SPIDR: variants seen among roughly 807,000 people sequenced by gnomAD.
SPIDR encodes DNA repair-scaffolding protein.
SPIDR carries 93 observed loss-of-function variants against 104.6 expected under a neutral mutation model. The observed-to-expected ratio is 0.89, with a 90% CI of 0.75 to 1.06. The LOEUF is 1.06. SPIDR is among the 50% of genes least tolerant of loss of function. SPIDR has a pLI of 0.00. For synonymous variants in SPIDR, 431 were observed against 416.9 expected (o/e 1.03, Z -0.41); for missense variants, 1,154 against 1,111.2 (o/e 1.04, Z -0.55).
intron 8 of SPIDR, among the ~76,000 whole-genome samples, chr8:47,476,545 G>A (rs557074015): frequency 3.3e-5 from 5 of 152,068 alleles, no homozygotes; most frequent in South Asian, 4.2e-4. Flanking sequence ...GTGGCCTTCT[G>A]TTCCTCCTGA....
At chr8:47,548,811 G>T (rs1227412396) in intron 8 of SPIDR, among the ~76,000 whole-genome samples, 1 of 152,116 alleles carries the variant, frequency 6.6e-6, no homozygotes, top group Non-Finnish European at 1.5e-5. Flanking sequence ...GGGTACATGT[G>T]CACAACGTGC....
At chr8:47,326,612 T>C (rs1366958307) in intron 5 of SPIDR, among the ~76,000 whole-genome samples, 6 of 152,240 alleles carry the variant, frequency 3.9e-5, no homozygotes, top group Admixed American at 3.3e-4. Flanking sequence ...ATCCATTCCG[T>C]ATTCCCCACC....
intron 8 of SPIDR, among the ~76,000 whole-genome samples, chr8:47,495,001 G>T (rs757960316): frequency 6.6e-6 from 1 of 152,198 alleles, no homozygotes; most frequent in South Asian, 2.1e-4. Flanking sequence ...ATAAGACAGG[G>T]CCACCCCAGT....
chr8:47,585,403 A>T (rs2060157195), intron 8 of SPIDR, among the ~76,000 whole-genome samples: 1 of 152,228 alleles, frequency 6.6e-6, no homozygotes, highest in African/African-American at 2.4e-5. Context: ...AGATTGATTA[A>T]TGTTATACAA....
At chr8:47,423,551 G>A (rs954621491) in intron 7 of SPIDR, among the ~76,000 whole-genome samples, 3 of 152,042 alleles carry the variant, frequency 2.0e-5, no homozygotes, top group South Asian at 2.1e-4. Context: ...TTTGTGAGCC[G>A]AGATCACGCC....
intron 8 of SPIDR, among the ~76,000 whole-genome samples, chr8:47,470,758 G>A (rs1346687334): frequency 4.6e-5 from 7 of 150,772 alleles, no homozygotes; most frequent in East Asian, 1.9e-4. Flanking sequence ...TTTTTGAGAC[G>A]GAGTCTGGCT....
intron 8 of SPIDR, among the ~76,000 whole-genome samples, chr8:47,509,942 C>T (rs2082061436): frequency 6.6e-6 from 1 of 152,072 alleles, no homozygotes; most frequent in Non-Finnish European, 1.5e-5. Flanking sequence ...ACGACACACA[C>T]TTAACACACA....
chr8:47,511,953 G>T, intron 8 of SPIDR: 1 of 788,406 alleles, frequency 1.3e-6, no homozygotes, highest in Non-Finnish European at 2.3e-6. Flanking sequence ...TAGGGGCTGT[G>T]CCTCTGGACA....
At chr8:47,675,299 G>T (rs986790136) in intron 11 of SPIDR, among the ~76,000 whole-genome samples, 1 of 152,136 alleles carries the variant, frequency 6.6e-6, no homozygotes, top group Non-Finnish European at 1.5e-5. Flanking sequence ...GCCTCCCAAA[G>T]TGCTGGGATT....
At chr8:47,430,804 T>C (rs1028461062) in intron 7 of SPIDR, among the ~76,000 whole-genome samples, 1 of 152,238 alleles carries the variant, frequency 6.6e-6, no homozygotes, top group Admixed American at 6.5e-5. Context: ...TTTTAAAAGT[T>C]GTTTTCAGTG....
chr8:47,563,023 C>CTT (rs1365803452), intron 8 of SPIDR, among the ~76,000 whole-genome samples: 1 of 148,550 alleles, frequency 6.7e-6, no homozygotes, highest in Non-Finnish European at 1.5e-5. Flanking sequence ...AGAAACAGTA[C>CTT]TTTACTCTTT....
chr8:47,520,477 T>G (rs188108155), intron 8 of SPIDR, among the ~76,000 whole-genome samples: 41 of 152,310 alleles, frequency 2.7e-4, no homozygotes, highest in Admixed American at 2.6e-4. Flanking sequence ...AAATCTAGCC[T>G]TGAGAATCTT....
At chr8:47,724,693 T>A (rs773369796) in intron 16 of SPIDR, among the ~76,000 whole-genome samples, 4 of 152,204 alleles carry the variant, frequency 2.6e-5, no homozygotes, top group Non-Finnish European at 4.4e-5. Context: ...AAAAGGACCC[T>A]GAATATATTC....
rs894910770 is a variant in SPIDR, at chr8:47,593,543, G to C, written c.1098-2268G>C. On this transcript the variant is annotated intron_variant, in intron 8 of 19. Transcript: ENST00000297423. ...ATTCATTCAAGTTGAGATTTTTCAT[G>C]GTTCTTAGTATAACAAGTGATTTTT... Among the ~76,000 whole-genome samples the C allele has an allele frequency of 2.6e-5, 4 of 152,148 alleles. 1 individual carries two copies. In the South Asian group the frequency reaches 8.3e-4, roughly 32 times the overall value.
Position 47,713,539 on chromosome 8 carries a change from T to C in SPIDR, c.2239T>C (p.Leu747=), listed in dbSNP as rs1228752129. 2 of 1,614,070 alleles carry C rather than the reference T, an allele frequency of 1.2e-6. No homozygotes were observed. The highest frequency in any genetic ancestry group is 1.7e-6 in the Non-Finnish European group (2 of 1,180,022). ...TGTCCTCTTGCTTCAGAAGCCCCTT[T>C]TGAGTGTGGTCTCTGGTGCAAGTTC... is the stretch of plus-strand genomic sequence containing the variant. The part of the protein sequence containing the change: ...RTVLLLQKPL[L]SVVSGASSCE... Residue 747 remains leucine, a synonymous_variant, in exon 16 of 20, where the codon TTG becomes CTG. Transcript: ENST00000297423.
chr8:47,689,892 T>C (rs2078382171), intron 11 of SPIDR, among the ~76,000 whole-genome samples: 1 of 152,222 alleles, frequency 6.6e-6, no homozygotes, highest in Admixed American at 6.5e-5. Flanking sequence ...TTCTTCATTA[T>C]TTGGCACGTC....
chr8:47,349,655 C>T (rs573661605), intron 5 of SPIDR, among the ~76,000 whole-genome samples: 5 of 152,230 alleles, frequency 3.3e-5, no homozygotes, highest in Non-Finnish European at 5.9e-5. Flanking sequence ...AGTTTGTTTA[C>T]CTACTGAAGC....
intron 8 of SPIDR, among the ~76,000 whole-genome samples, chr8:47,577,858 C>T (rs1244758414): frequency 2.0e-5 from 3 of 152,072 alleles, no homozygotes; most frequent in African/African-American, 7.2e-5. Context: ...GAGGTGGGAC[C>T]CGGCAACCTG....
At chr8:47,287,576 T>C (rs1361070423) in intron 3 of SPIDR, among the ~76,000 whole-genome samples, 1 of 152,132 alleles carries the variant, frequency 6.6e-6, no homozygotes, top group African/African-American at 2.4e-5. Context: ...TTCCCCAGGG[T>C]ATTAATTATT....
Sources: gnomAD v4.1 joint callset for allele counts (sites outside exome capture counted in the v4.1 genomes callset) on GRCh38, gnomAD v4.1.1 for gene constraint, MANE v1.5 for transcripts, NCBI Gene and HGNC (gene_info 2026-07-23, HGNC 2026-07-21) for gene names.